The following SYNDIG1 variants were observed in gnomAD, a reference collection of about 807,000 sequenced individuals.
SYNDIG1 encodes the protein synapse differentiation-inducing gene protein 1.
SYNDIG1 carries 9 observed loss-of-function variants against 19.4 expected under a neutral mutation model. That is an observed-to-expected ratio of 0.46 (90% CI 0.28 to 0.81). The LOEUF is 0.81. Ranked by LOEUF, SYNDIG1 falls within the 30% of genes least tolerant of loss-of-function variation. The pLI, the probability that SYNDIG1 is intolerant of heterozygous loss-of-function variation, is 0.12. For synonymous variants in SYNDIG1, 141 were observed against 145.9 expected (o/e 0.97, Z 0.24); for missense variants, 311 against 343.3 (o/e 0.91, Z 0.74).
chr20:24,570,594 C>A (rs997108367), intron 2 of SYNDIG1, among the ~76,000 whole-genome samples: 1 of 152,228 alleles, frequency 6.6e-6, no homozygotes, highest in East Asian at 1.9e-4. Flanking sequence ...AGACTAAAAC[C>A]ATGATTATAT....
At chr20:24,576,085 C>T (rs188566797) in intron 2 of SYNDIG1, among the ~76,000 whole-genome samples, 121 of 152,284 alleles carry the variant, frequency 7.9e-4, no homozygotes, top group African/African-American at 2.7e-3. Flanking sequence ...TGCTCTGTGA[C>T]GTCCCTCAAA....
chr20:24,610,161 A>G (rs1362763293), intron 3 of SYNDIG1, among the ~76,000 whole-genome samples: 2 of 152,178 alleles, frequency 1.3e-5, no homozygotes, highest in African/African-American at 2.4e-5. Flanking sequence ...CACCCAGCTA[A>G]TTTTAGACTG....
intron 2 of SYNDIG1, among the ~76,000 whole-genome samples, chr20:24,577,896 G>A (rs1039451012): frequency 6.6e-6 from 1 of 152,230 alleles, no homozygotes; most frequent in South Asian, 2.1e-4. Flanking sequence ...CAGCAGGGCT[G>A]AATGCAGAGT....
intron 3 of SYNDIG1, among the ~76,000 whole-genome samples, chr20:24,640,157 A>C (rs1442249358): frequency 3.3e-5 from 5 of 152,032 alleles, no homozygotes; most frequent in African/African-American, 1.2e-4. Context: ...AACATGGTAA[A>C]ACCCCATCTC....
chr20:24,637,689 G>A (rs146598808), intron 3 of SYNDIG1, among the ~76,000 whole-genome samples: 1 of 152,352 alleles, frequency 6.6e-6, no homozygotes, highest in Non-Finnish European at 1.5e-5. Flanking sequence ...AAAGAGCAGA[G>A]CAGGTGCTCT....
chr20:24,585,047 G>A (rs961087143), intron 3 of SYNDIG1, 54 bp downstream of exon 3: 13 of 1,319,222 alleles, frequency 9.9e-6, no homozygotes, highest in African/African-American at 3.0e-5. Context: ...CAGGGTGGGG[G>A]TGGGGGCGGC....
At chr20:24,618,561 C>G (rs1212410927) in intron 3 of SYNDIG1, among the ~76,000 whole-genome samples, 6 of 152,118 alleles carry the variant, frequency 3.9e-5, no homozygotes, top group African/African-American at 1.4e-4. Context: ...CTCTATACTC[C>G]GAGGAAAAAA....
intron 2 of SYNDIG1, among the ~76,000 whole-genome samples, chr20:24,561,603 G>T (rs2057947300): frequency 6.6e-6 from 1 of 152,202 alleles, no homozygotes; most frequent in South Asian, 2.1e-4. Flanking sequence ...TCAGAATTTA[G>T]CAATTTTTCA....
At chr20:24,641,507 T>C (rs576599062) in intron 3 of SYNDIG1, among the ~76,000 whole-genome samples, 11 of 152,346 alleles carry the variant, frequency 7.2e-5, no homozygotes, top group Middle Eastern at 3.4e-3. Context: ...AAGTAAAGTG[T>C]TGTCCGTATG....
At chr20:24,615,334 A>G (rs2058914274) in intron 3 of SYNDIG1, among the ~76,000 whole-genome samples, 1 of 152,164 alleles carries the variant, frequency 6.6e-6, no homozygotes, top group African/African-American at 2.4e-5. Flanking sequence ...ATCCACCTGA[A>G]ATCCCTAAGG....
intron 3 of SYNDIG1, 126 bp downstream of exon 3, chr20:24,585,119 A>G: frequency 7.7e-7 from 1 of 1,293,802 alleles, no homozygotes; most frequent in African/African-American, 1.5e-5. Context: ...CTGGGTCGGC[A>G]CTTGCCCAGT....
intron 2 of SYNDIG1, among the ~76,000 whole-genome samples, chr20:24,547,643 G>A (rs1330012865): frequency 3.3e-5 from 5 of 152,146 alleles, no homozygotes; most frequent in Non-Finnish European, 5.9e-5. Flanking sequence ...TGGGCCTGAT[G>A]TCCGACAGCC....
intron 2 of SYNDIG1, among the ~76,000 whole-genome samples, chr20:24,545,239 T>A (rs1248898480): frequency 6.6e-6 from 1 of 152,040 alleles, no homozygotes; most frequent in African/African-American, 2.4e-5. Flanking sequence ...TGGAGAGTCG[T>A]GGCATGGAAG....
rs897453220 is a variant in SYNDIG1 at position 24,569,160 on chromosome 20, G to C, written c.481-15696G>C. Among the ~76,000 whole-genome samples the C allele has an allele frequency of 2.6e-5, 4 of 152,172 alleles. No homozygotes were observed. The East Asian group carries it at 7.7e-4, about 29-fold the overall frequency. On this transcript the variant is annotated intron_variant, in intron 2 of 3. Coordinates refer to ENST00000376862, the MANE Select transcript of SYNDIG1 (RefSeq NM_024893.3). ...CTGGAATTTCTGCAAACTGAAAACT[G>C]TTCCCCCTCTTTAGCCTTTACTGTG...
chr20:24,537,957 A>G (rs933437516), intron 1 of SYNDIG1, among the ~76,000 whole-genome samples: 2 of 152,100 alleles, frequency 1.3e-5, no homozygotes, highest in African/African-American at 4.8e-5. Context: ...TATGGTGTGC[A>G]CTTCTCCTTC....
chr20:24,615,557 T>C (rs957932640), intron 3 of SYNDIG1, among the ~76,000 whole-genome samples: 1 of 152,166 alleles, frequency 6.6e-6, no homozygotes, highest in Non-Finnish European at 1.5e-5. Flanking sequence ...ATCCTCCCCA[T>C]GGACCCGGGG....
At chr20:24,610,677 G>A (rs373849754) in intron 3 of SYNDIG1, among the ~76,000 whole-genome samples, 1 of 152,258 alleles carries the variant, frequency 6.6e-6, no homozygotes, top group Non-Finnish European at 1.5e-5. Context: ...TCGTGAGAAA[G>A]GGAGTTGCCC....
chr20:24,663,750 C>G (rs1177550657), intron 3 of SYNDIG1, among the ~76,000 whole-genome samples: 13 of 152,228 alleles, frequency 8.5e-5, no homozygotes, highest in Admixed American at 5.9e-4. Context: ...TCAGCTGTAG[C>G]AGCTCCACCT....
chr20:24,562,512 A>G (rs1186550016), intron 2 of SYNDIG1, among the ~76,000 whole-genome samples: 2 of 152,232 alleles, frequency 1.3e-5, no homozygotes, highest in Non-Finnish European at 2.9e-5. Flanking sequence ...TTACACTATT[A>G]TCTTAGACAT....
Sources: gnomAD v4.1 joint callset for allele counts (sites outside exome capture counted in the v4.1 genomes callset) on GRCh38, gnomAD v4.1.1 for gene constraint, MANE v1.5 for transcripts, NCBI Gene and HGNC (gene_info 2026-07-23, HGNC 2026-07-21) for gene names.